MYO18B: variants seen among roughly 807,000 people sequenced by gnomAD.
The protein encoded by MYO18B is myosin XVIIIB.
In MYO18B, 204 loss-of-function variants were observed where a neutral mutation model predicts 273.0. The ratio of observed to expected loss-of-function variants is 0.75; its 90% CI spans 0.67 to 0.84. The LOEUF (loss-of-function observed/expected upper bound fraction) is 0.84, where lower values mean the gene tolerates loss of function less well. Among genes scored for constraint, MYO18B ranks in the 40% least tolerant of loss-of-function variants. The probability of loss-of-function intolerance (pLI) is 0.00; values close to 1 mark genes in which losing one functional copy is unlikely to be tolerated. For missense variants in MYO18B, 3,212 were observed against 3,287.6 expected (o/e 0.98, Z 0.56); for synonymous variants, 1,330 against 1,305.7 (o/e 1.02, Z -0.40).
intron 33 of MYO18B, among the ~76,000 whole-genome samples, chr22:25,915,055 AAAT>A (rs1322591249): frequency 6.6e-6 from 1 of 152,026 alleles, no homozygotes; most frequent in Non-Finnish European, 1.5e-5. Context: ...TTAAAAAAAA[AAAT>A]GTTATACTTT....
intron 20 of MYO18B, among the ~76,000 whole-genome samples, chr22:25,849,075 G>T: frequency 6.6e-6 from 1 of 152,280 alleles, no homozygotes; most frequent in East Asian, 1.9e-4. Context: ...AGAAGAGGGG[G>T]ATGGTCACAG....
At chr22:25,897,846 G>T (rs1190002107) in intron 28 of MYO18B, 1 of 157,418 alleles carries the variant, frequency 6.4e-6, no homozygotes, top group East Asian at 1.9e-4. Context: ...TCCATGCAAA[G>T]TGCCATTTGC....
chr22:25,930,023 G>A (rs1243719820), intron 34 of MYO18B, among the ~76,000 whole-genome samples: 3 of 152,074 alleles, frequency 2.0e-5, no homozygotes, highest in Non-Finnish European at 4.4e-5. Context: ...CCCCTCACCC[G>A]AAGCTTAGGA....
chr22:25,772,903 C>G (rs1362873156), intron 7 of MYO18B, among the ~76,000 whole-genome samples: 1 of 152,150 alleles, frequency 6.6e-6, no homozygotes, highest in African/African-American at 2.4e-5. Context: ...CTGGGCCAGG[C>G]GCAGGCTAAA....
At position 25,828,964 on chromosome 22, in the gene MYO18B, A is replaced by G. The variant is rs1193020353; in HGVS notation, c.2975A>G (p.Gln992Arg). 6.2e-7 allele frequency: 1 copy of G among 1,613,714 alleles called. No individual in the cohort carries two copies. Among genetic ancestry groups the G allele is most frequent in the African/African-American group, 1.3e-5 (1 of 74,914 alleles). Residue 992 changes from glutamine to arginine, a missense_variant, in exon 15 of 44, where the codon CAA becomes CGA. Gln to Arg is a conservative substitution (Grantham distance 43). Coordinates refer to ENST00000335473, the MANE Select transcript of MYO18B (RefSeq NM_032608.7). ...TTTGTCTCCACGCTACAGCGATATC[A>G]AGAGGTATGCCTGGGCTGGAGCAGG... ...RTFVSTLQRYQEEGVPVQFDL... is the reference protein window; with the variant it reads ...RTFVSTLQRYREEGVPVQFDL...
chr22:25,898,659 G>A, intron 29 of MYO18B, 198 bp downstream of exon 29: 1 of 593,296 alleles, frequency 1.7e-6, no homozygotes, highest in East Asian at 3.1e-5. Context: ...TTTTCTCTTA[G>A]CCAGCCTCAA....
intron 1 of MYO18B, among the ~76,000 whole-genome samples, chr22:25,746,207 C>T (rs2085774156): frequency 6.6e-6 from 1 of 152,160 alleles, no homozygotes. Flanking sequence ...GATATAGTCC[C>T]AGTTTTATAG....
chr22:26,050,710 G>C, the MYO18B span, among the ~76,000 whole-genome samples: 1 of 152,186 alleles, frequency 6.6e-6, no homozygotes, highest in Non-Finnish European at 1.5e-5. Flanking sequence ...TATCTGTACA[G>C]TGAGGATACT....
chr22:25,934,104 A>G (rs780098416), intron 34 of MYO18B, among the ~76,000 whole-genome samples: 36 of 152,136 alleles, frequency 2.4e-4, no homozygotes, highest in Non-Finnish European at 4.6e-4. Context: ...TATATCATCC[A>G]TTTCGATATT....
chr22:26,043,387 G>C, the MYO18B span, among the ~76,000 whole-genome samples: 1 of 152,074 alleles, frequency 6.6e-6, no homozygotes, highest in Non-Finnish European at 1.5e-5. Context: ...GCTTTTTATG[G>C]ACATTCGTTT....
chr22:25,845,982 G>C, intron 18 of MYO18B, 118 bp from the exon 19 acceptor site: 1 of 869,724 alleles, frequency 1.1e-6, no homozygotes, highest in Non-Finnish European at 1.7e-6. Flanking sequence ...CTGTAGAGGA[G>C]GCTTTAGGAA....
chr22:25,895,020 A>G (rs1180706812), intron 27 of MYO18B, 136 bp from the exon 28 acceptor site: 21 of 1,082,364 alleles, frequency 1.9e-5, no homozygotes, highest in Non-Finnish European at 2.7e-5. Flanking sequence ...TTCTTGGTCC[A>G]AGGTTGAGGC....
chr22:25,806,385 G>A (rs1228781301), intron 12 of MYO18B, among the ~76,000 whole-genome samples: 5 of 152,120 alleles, frequency 3.3e-5, no homozygotes, highest in Admixed American at 2.0e-4. Flanking sequence ...GATTTGTCTC[G>A]AGAGGCTGGG....
chr22:25,892,078 G>A (rs2091677186), intron 27 of MYO18B: 1 of 152,204 alleles, frequency 6.6e-6, no homozygotes, highest in Non-Finnish European at 1.5e-5. Flanking sequence ...AACCTATGAA[G>A]TTGTATTTCT....
chr22:25,930,818 TC>T (rs1181868748), intron 34 of MYO18B, among the ~76,000 whole-genome samples: 2 of 152,112 alleles, frequency 1.3e-5, no homozygotes, highest in Non-Finnish European at 2.9e-5. Context: ...CTGGGTCAGC[TC>T]CGGTGTTTAC....
chr22:25,786,443 A>G (rs556567976), intron 11 of MYO18B, among the ~76,000 whole-genome samples: 24 of 151,778 alleles, frequency 1.6e-4, no homozygotes, highest in Non-Finnish European at 2.9e-4. Flanking sequence ...CTTTTCAAAT[A>G]TACATGTCTG....
rs1456768368 is a variant in MYO18B at position 25,868,327 on chromosome 22, A to G, written c.3893A>G (p.Glu1298Gly). Residue 1298 changes from glutamate to glycine, a missense_variant, in exon 22 of 44, where the codon GAG (glutamate) becomes GGG (glycine). By Grantham distance (98) the Glu-to-Gly change is moderately conservative (BLOSUM62 -2). Coordinates refer to ENST00000335473, the MANE Select transcript of MYO18B (RefSeq NM_032608.7). ...CTCTAATTTTTTCCCCAGGCCGTGG[A>G]GGAGCTCCTGGAGACCCTGGATCTG... ...SEGIDERKAV[E>G]ELLETLDLEK... 1 of 1,602,700 alleles carries G rather than the reference A, an allele frequency of 6.2e-7. No individual in the cohort carries two copies. Among genetic ancestry groups the G allele is most frequent in the Admixed American group, 1.7e-5 (1 of 58,528 alleles).
rs1412222651 is a variant in MYO18B, at chr22:25,859,892, A to G, written c.3885+8313A>G. Among the ~76,000 whole-genome samples, 4 of 152,092 alleles carry G rather than the reference A, an allele frequency of 2.6e-5. No individual in the cohort carries two copies. In the East Asian group the frequency reaches 5.8e-4, roughly 22 times the overall value. ...TTTAAGTGACTGGTGCTTTTTTCATATCTAAGAACGCTTTACCTACCCCTC... is the reference window on the plus strand; with the variant it reads ...TTTAAGTGACTGGTGCTTTTTTCATGTCTAAGAACGCTTTACCTACCCCTC... On this transcript the variant is annotated intron_variant, in intron 21 of 43. Coordinates refer to ENST00000335473, the MANE Select transcript of MYO18B (RefSeq NM_032608.7).
At chr22:25,762,117 A>G (rs2086343494) in intron 2 of MYO18B, among the ~76,000 whole-genome samples, 1 of 152,146 alleles carries the variant, frequency 6.6e-6, no homozygotes, top group African/African-American at 2.4e-5. Flanking sequence ...AAAGAAAAAA[A>G]AAAAAAAGAC....
Sources: gnomAD v4.1 joint callset for allele counts (sites outside exome capture counted in the v4.1 genomes callset) on GRCh38, gnomAD v4.1.1 for gene constraint, MANE v1.5 for transcripts, NCBI Gene and HGNC (gene_info 2026-07-23, HGNC 2026-07-21) for gene names.